COL28A1: variants seen among roughly 807,000 people sequenced by gnomAD.
COL28A1 encodes the protein collagen alpha-1(XXVIII) chain.
COL28A1 carries 161 observed loss-of-function variants against 150.2 expected under a neutral mutation model. The ratio of observed to expected loss-of-function variants is 1.07; its 90% CI spans 0.94 to 1.22. COL28A1 has a LOEUF of 1.22. Among genes scored for constraint, COL28A1 ranks in the 50% most tolerant of loss-of-function variants. COL28A1 has a pLI of 0.00. For missense variants in COL28A1, 1,617 were observed against 1,388.3 expected, an observed-to-expected ratio of 1.16 and a Z score of -2.62; for synonymous variants, 552 against 469.7, an observed-to-expected ratio of 1.18 and a Z score of -2.26.
At chr7:7,478,995 AGCG>A (rs1254668487) in intron 13 of COL28A1, among the ~76,000 whole-genome samples, 1 of 152,222 alleles carries the variant, frequency 6.6e-6, no homozygotes, top group Non-Finnish European at 1.5e-5. Context: ...CCCACAGTGC[AGCG>A]GTGGGCTGAA....
Position 7,531,875 on chromosome 7 carries a change from T to C in COL28A1, c.154A>G (p.Ile52Val). The C allele has an allele frequency of 6.2e-7, 1 of 1,607,996 alleles. No individual in the cohort carries two copies. Among genetic ancestry groups the C allele is most frequent in the Non-Finnish European group, 8.5e-7 (1 of 1,174,580 alleles). Residue 52 changes from isoleucine to valine, a missense_variant, in exon 3 of 35, where the codon ATC becomes GTC. Physicochemically the swap from Ile to Val is conservative, Grantham distance 29 (BLOSUM62 3). Coordinates refer to ENST00000399429, the MANE Select transcript of COL28A1 (RefSeq NM_001037763.3). Reference sequence around the variant, plus strand: ...TTAGAACTTTCAGAGCTGTCCACGATGAAGACAATATCTATGAAACAAATG... The same window carrying C: ...TTAGAACTTTCAGAGCTGTCCACGACGAAGACAATATCTATGAAACAAATG... ...GSICFIDIVF[I>V]VDSSESSKIA...
At chr7:7,447,138 G>T (rs1213601509) in intron 18 of COL28A1, among the ~76,000 whole-genome samples, 1 of 152,180 alleles carries the variant, frequency 6.6e-6, no homozygotes, top group Admixed American at 6.5e-5. Flanking sequence ...ACTAAATGTT[G>T]CTGTAGTCTT....
At chr7:7,506,251 T>G (rs1780803783) in intron 10 of COL28A1, among the ~76,000 whole-genome samples, 184 bp from the exon 11 acceptor site, 1 of 152,222 alleles carries the variant, frequency 6.6e-6, no homozygotes, top group African/African-American at 2.4e-5. Context: ...ATACGTAGCT[T>G]CCAAAATAGC....
At chr7:7,464,114 A>G (rs1244646179) in intron 15 of COL28A1, among the ~76,000 whole-genome samples, 1 of 152,236 alleles carries the variant, frequency 6.6e-6, no homozygotes, top group Non-Finnish European at 1.5e-5. Flanking sequence ...AAAACATCAC[A>G]GTCCTAAATA....
At chr7:7,525,319 G>A (rs1781963773) in intron 3 of COL28A1, among the ~76,000 whole-genome samples, 1 of 152,180 alleles carries the variant, frequency 6.6e-6, no homozygotes, top group Non-Finnish European at 1.5e-5. Context: ...TAATTTTGCA[G>A]AAATGTCATG....
intron 15 of COL28A1, among the ~76,000 whole-genome samples, chr7:7,462,267 C>A (rs1038326378): frequency 6.6e-6 from 1 of 152,128 alleles, no homozygotes; most frequent in Non-Finnish European, 1.5e-5. Flanking sequence ...ACAGGGCCTA[C>A]CCAAATGAGA....
At chr7:7,456,003 A>G in intron 16 of COL28A1, 41 bp downstream of exon 16, 1 of 1,610,742 alleles carries the variant, frequency 6.2e-7, no homozygotes, top group Non-Finnish European at 8.5e-7. Context: ...ATTGGGCTGG[A>G]ATGTTCTGCA....
intron 16 of COL28A1, among the ~76,000 whole-genome samples, chr7:7,454,823 A>G (rs1787014853): frequency 6.6e-6 from 1 of 152,226 alleles, no homozygotes; most frequent in African/African-American, 2.4e-5. Flanking sequence ...GTCGGCTGGT[A>G]TAATCAAATG....
chr7:7,489,431 C>A lies in COL28A1; in HGVS notation c.1122G>T (p.Pro374=). 1 of 1,460,866 alleles carries A rather than the reference C, an allele frequency of 6.8e-7. No homozygotes were observed. The highest frequency in any genetic ancestry group is 9.6e-7 in the Non-Finnish European group (1 of 1,040,088). 90.5% of individuals were successfully genotyped at this position (1,460,866 alleles called of 1,614,324 possible). The change falls in exon 13 of 35, where the codon CCG becomes CCT. Residue 374 remains proline, a synonymous_variant. Coordinates refer to ENST00000399429, the MANE Select transcript of COL28A1 (RefSeq NM_001037763.3). ...IKGERGQEGR[P]GAPGPIGVGE... is the part of the protein sequence containing the mutation. ...CAACTCCAATGGGTCCTGGAGCTCC[C>A]GGTCTTCCTTCTTGGCCTCTTTCTC...
At chr7:7,525,660 A>T (rs1425504452) in intron 3 of COL28A1, among the ~76,000 whole-genome samples, 1 of 152,204 alleles carries the variant, frequency 6.6e-6, no homozygotes, top group Non-Finnish European at 1.5e-5. Flanking sequence ...GCATCCCTTT[A>T]GTTTTATTTT....
intron 19 of COL28A1, 105 bp downstream of exon 19, chr7:7,444,311 AAG>A (rs1786071917): frequency 6.7e-7 from 1 of 1,491,778 alleles, no homozygotes; most frequent in Admixed American, 2.1e-5. Context: ...TTTTTTCTTA[AAG>A]AAACTAAGTT....
At chr7:7,527,977 A>G (rs142839031) in intron 3 of COL28A1, among the ~76,000 whole-genome samples, 65 of 152,322 alleles carry the variant, frequency 4.3e-4, no homozygotes, top group Non-Finnish European at 8.8e-5. Flanking sequence ...AAACAGAAAA[A>G]TAAGGCCCTA....
chr7:7,358,578 T>G lies in COL28A1; in HGVS notation c.*55A>C. On this transcript the variant is annotated 3_prime_UTR_variant, in exon 35 of 35. Transcript: ENST00000399429. The stretch of plus-strand genomic sequence containing the variant: ...TAGTGCTGTATTTGTATTGGGTGAA[T>G]ATGTGGAAATTAGGGAGTTCTATGC... The G allele has an allele frequency of 1.3e-5, 20 of 1,501,492 alleles. No homozygotes were observed. Among genetic ancestry groups the G allele is most frequent in the Non-Finnish European group, 1.8e-5 (19 of 1,085,052 alleles). The allele number at this position is 1,501,492 out of a possible 1,614,324, so 93.0% of individuals were successfully genotyped here. A position where few individuals can be genotyped will look rare whatever the true frequency, so the allele number is the denominator to read the frequency against.
At chr7:7,457,208 G>A (rs1446863178) in intron 15 of COL28A1, among the ~76,000 whole-genome samples, 3 of 152,182 alleles carry the variant, frequency 2.0e-5, no homozygotes, top group Middle Eastern at 3.2e-3. Flanking sequence ...GAGAAGGGAA[G>A]TGAGAGATCT....
chr7:7,348,939 T>C, the COL28A1 span, among the ~76,000 whole-genome samples: 5 of 152,026 alleles, frequency 3.3e-5, no homozygotes, highest in Non-Finnish European at 7.4e-5. Context: ...AGAGATGGCA[T>C]CCCACTATGT....
chr7:7,390,352 G>A (rs776579807), intron 27 of COL28A1, among the ~76,000 whole-genome samples: 21 of 152,186 alleles, frequency 1.4e-4, no homozygotes, highest in East Asian at 1.2e-3. Context: ...CAACTTGATC[G>A]TGGTGGTTAA....
intron 9 of COL28A1, among the ~76,000 whole-genome samples, chr7:7,508,362 A>G (rs1780937715): frequency 6.6e-6 from 1 of 152,230 alleles, no homozygotes; most frequent in Admixed American, 6.5e-5. Flanking sequence ...TATAATGAAC[A>G]TCTTTATGTA....
intron 27 of COL28A1, among the ~76,000 whole-genome samples, chr7:7,397,320 C>A (rs1294183743): frequency 6.6e-6 from 1 of 152,090 alleles, no homozygotes; most frequent in Non-Finnish European, 1.5e-5. Context: ...CTTTTGCCTC[C>A]CTCTTATAAA....
At chr7:7,464,341 C>T (rs549765542) in intron 15 of COL28A1, among the ~76,000 whole-genome samples, 1 of 152,152 alleles carries the variant, frequency 6.6e-6, no homozygotes, top group Non-Finnish European at 1.5e-5. Flanking sequence ...ACATTCTACC[C>T]AACAACCACA....
Sources: allele counts gnomAD v4.1 joint callset (sites outside exome capture counted in the v4.1 genomes callset), GRCh38; gene constraint gnomAD v4.1.1; transcripts MANE v1.5; gene names NCBI Gene and HGNC (gene_info 2026-07-23, HGNC 2026-07-21).